The following REEP1 variants were observed in gnomAD, a reference collection of about 807,000 sequenced individuals.
REEP1 encodes the protein receptor accessory protein 1.
A neutral mutation model predicts 40.3 loss-of-function variants in REEP1; 22 were observed. That is an observed-to-expected ratio of 0.55 (90% CI 0.39 to 0.78). The LOEUF is 0.78. Ranked by LOEUF, REEP1 falls within the 30% of genes least tolerant of loss-of-function variation. The pLI, the probability that REEP1 is intolerant of heterozygous loss-of-function variation, is 0.00. For synonymous variants in REEP1, 116 were observed against 139.2 expected (o/e 0.83, Z 1.17); for missense variants, 280 against 361.1 (o/e 0.78, Z 1.82).
chr2:86,244,095 T>C (rs939046489), intron 5 of REEP1, among the ~76,000 whole-genome samples: 2 of 152,184 alleles, frequency 1.3e-5, no homozygotes, highest in African/African-American at 4.8e-5. Context: ...CTCTGACTAA[T>C]TGTTAACAGG....
intron 6 of REEP1, among the ~76,000 whole-genome samples, chr2:86,232,370 C>A (rs767754296): frequency 2.0e-4 from 31 of 152,210 alleles, no homozygotes; most frequent in Non-Finnish European, 3.2e-4. Flanking sequence ...ATTCCCCAGA[C>A]AATCATATGG....
At chr2:86,253,895 T>C (rs1241342252) in intron 4 of REEP1, among the ~76,000 whole-genome samples, 1 of 152,244 alleles carries the variant, frequency 6.6e-6, no homozygotes, top group Admixed American at 6.5e-5. Flanking sequence ...AGTAATACAG[T>C]TAACGAATGA....
intron 1 of REEP1, among the ~76,000 whole-genome samples, chr2:86,331,650 C>G (rs1573069035): frequency 6.6e-6 from 1 of 152,230 alleles, no homozygotes; most frequent in East Asian, 1.9e-4. Flanking sequence ...CACCTTTGTC[C>G]TAGAACTGCC....
At position 86,337,450 on chromosome 2, in the gene REEP1, G is replaced by A. The variant is rs1265018865; in HGVS notation, c.32+29C>T. On this transcript the variant is annotated intron_variant, in intron 1 of 8. Transcript: ENST00000538924. The surrounding 1 kb of genome is among the most constrained non-coding windows in gnomAD (Gnocchi z 5.8). Reference sequence around the variant, plus strand: ...GGCCGGGGGCGGGGAGGGAGGGGACGGAGGGGCGCGGGGGAGAAGGCCACT... The same window carrying A: ...GGCCGGGGGCGGGGAGGGAGGGGACAGAGGGGCGCGGGGGAGAAGGCCACT... 1 of 1,248,074 alleles carries A rather than the reference G, an allele frequency of 8.0e-7. No homozygotes were observed. Among genetic ancestry groups the A allele is most frequent in the Non-Finnish European group, 1.0e-6 (1 of 991,506 alleles). The allele number at this position is 1,248,074 out of a possible 1,614,324, so 77.3% of individuals were successfully genotyped here. A position where few individuals can be genotyped will look rare whatever the true frequency, so the allele number is the denominator to read the frequency against.
chr2:86,304,217 A>C (rs1188602588), intron 1 of REEP1, among the ~76,000 whole-genome samples: 1 of 152,260 alleles, frequency 6.6e-6, no homozygotes, highest in East Asian at 1.9e-4. Flanking sequence ...ATATTCCAGC[A>C]AAACAAAGGA....
At chr2:86,337,697 G>A (rs1458158326), upstream of REEP1, 1 of 986,478 alleles carries the variant, frequency 1.0e-6, no homozygotes, top group Non-Finnish European at 1.2e-6. The surrounding 1 kb of genome is among the most constrained non-coding windows in gnomAD (Gnocchi z 5.8). Flanking sequence ...GGCGGCGGCG[G>A]CGGCCCCAGC....
At chr2:86,336,447 T>C (rs1681037312) in intron 1 of REEP1, among the ~76,000 whole-genome samples, 1 of 152,054 alleles carries the variant, frequency 6.6e-6, no homozygotes, top group African/African-American at 2.4e-5. Context: ...AGCCCCGTGT[T>C]CTCAGACAAA....
At position 86,221,982 on chromosome 2, in the gene REEP1, C is replaced by T. The variant is rs149547896; in HGVS notation, c.632-1861G>A. ...CATGGAAGTGGGGTGGGTACCGGTT[C>T]GAGACTGTGCCTCTGCATATGCTGT... On this transcript the variant is annotated intron_variant, in intron 7 of 8. Transcript: ENST00000538924. 1.2e-3 allele frequency among the ~76,000 whole-genome samples: 182 copies of T among 152,220 alleles called. 4 individuals are homozygous for T. The East Asian group carries it at 0.031, about 26-fold the overall frequency.
In REEP1 at chr2:86,319,203, G is replaced by T. The variant is rs1349905592; in HGVS notation, c.32+18276C>A. ...CACAGATTCCTGGGCCCTAACCTCAGGTATTCTCATTCAGTAGGTCTGGAG... is the reference window on the plus strand; with the variant it reads ...CACAGATTCCTGGGCCCTAACCTCATGTATTCTCATTCAGTAGGTCTGGAG... On this transcript the variant is annotated intron_variant, in intron 1 of 8. Transcript: ENST00000538924. Among the ~76,000 whole-genome samples, 34 of 152,026 alleles carry T rather than the reference G, an allele frequency of 2.2e-4. 1 individual carries two copies. Among genetic ancestry groups the T allele is most frequent in the Admixed American group, 2.2e-3 (34 of 15,260 alleles).
At chr2:86,300,070 C>A (rs1679186170) in intron 1 of REEP1, among the ~76,000 whole-genome samples, 1 of 152,220 alleles carries the variant, frequency 6.6e-6, no homozygotes, top group Non-Finnish European at 1.5e-5. Context: ...ATGCTTGGAT[C>A]TGCTTTAGAA....
At chr2:86,335,957 A>G (rs1463179403) in intron 1 of REEP1, among the ~76,000 whole-genome samples, 1 of 149,320 alleles carries the variant, frequency 6.7e-6, no homozygotes, top group Non-Finnish European at 1.5e-5. Flanking sequence ...ATGACCCAGG[A>G]TCAGATGCCC....
At chr2:86,324,817 A>G (rs1338430085) in intron 1 of REEP1, among the ~76,000 whole-genome samples, 1 of 152,224 alleles carries the variant, frequency 6.6e-6, no homozygotes, top group African/African-American at 2.4e-5. Context: ...GAAACACACA[A>G]GAATGCTCAC....
At chr2:86,295,449 C>T (rs968607524) in intron 1 of REEP1, among the ~76,000 whole-genome samples, 6 of 152,190 alleles carry the variant, frequency 3.9e-5, no homozygotes, top group African/African-American at 1.4e-4. Flanking sequence ...AAGGGCAATC[C>T]TCGGTAATGC....
At chr2:86,224,141 C>T (rs1476765615) in intron 7 of REEP1, among the ~76,000 whole-genome samples, 1 of 152,148 alleles carries the variant, frequency 6.6e-6, no homozygotes, top group East Asian at 1.9e-4. Flanking sequence ...CCTTTCCCTA[C>T]CCCCATCATG....
chr2:86,287,522 GTTC>G (rs1221509467), intron 1 of REEP1, among the ~76,000 whole-genome samples: 1 of 152,126 alleles, frequency 6.6e-6, no homozygotes, highest in East Asian at 1.9e-4. Context: ...TGTGCTTTGT[GTTC>G]TTAATAAAAA....
intron 3 of REEP1, among the ~76,000 whole-genome samples, chr2:86,262,302 T>C (rs1027188700): frequency 6.6e-6 from 1 of 152,194 alleles, no homozygotes; most frequent in African/African-American, 2.4e-5. Context: ...ATGGCCTGAC[T>C]TCCAGGGCCA....
rs893141948 is a variant in REEP1 at position 86,312,132 on chromosome 2, C to T, written c.32+25347G>A. Among the ~76,000 whole-genome samples, 4 of 152,190 alleles carry T rather than the reference C, an allele frequency of 2.6e-5. No homozygotes were observed. The South Asian group carries it at 8.3e-4, about 31-fold the overall frequency. On this transcript the variant is annotated intron_variant, in intron 1 of 8. Coordinates refer to ENST00000538924, the MANE Select transcript of REEP1 (RefSeq NM_001371279.1). ...CATCACTCCTCCTGACAAACCCTCACCAGCTCACCCCTGCCTGAAAGCAAA... is the reference window on the plus strand; with the variant it reads ...CATCACTCCTCCTGACAAACCCTCATCAGCTCACCCCTGCCTGAAAGCAAA...
intron 1 of REEP1, among the ~76,000 whole-genome samples, chr2:86,285,052 A>T (rs552182601): frequency 6.6e-6 from 1 of 152,330 alleles, no homozygotes; most frequent in African/African-American, 2.4e-5. Context: ...AGGGCTTGGT[A>T]CTTCTGCTCC....
rs547383675 is a variant in REEP1, at chr2:86,314,953, G to A, written c.32+22526C>T. Among the ~76,000 whole-genome samples, 14 of 151,998 alleles carry A rather than the reference G, an allele frequency of 9.2e-5. No individual in the cohort carries two copies. The South Asian group carries it at 1.7e-3, about 18-fold the overall frequency. On this transcript the variant is annotated intron_variant, in intron 1 of 8. Coordinates refer to ENST00000538924, the MANE Select transcript of REEP1 (RefSeq NM_001371279.1). ...AGCTATCCACTCACCTCCGTCTCCCGAAGTGCTAGGATTATAGGCATGAGC... is the reference window on the plus strand; with the variant it reads ...AGCTATCCACTCACCTCCGTCTCCCAAAGTGCTAGGATTATAGGCATGAGC...
Sources: gnomAD v4.1 joint callset for allele counts (sites outside exome capture counted in the v4.1 genomes callset) on GRCh38, gnomAD v4.1.1 for gene constraint, Gnocchi (gnomAD v3.1) non-coding constraint, MANE v1.5 for transcripts, NCBI Gene and HGNC (gene_info 2026-07-23, HGNC 2026-07-21) for gene names.